Variants in CD2AP observed in about 807,000 individuals in gnomAD.
CD2AP encodes CD2-associated protein.
CD2AP carries 46 observed loss-of-function variants against 85.1 expected under a neutral mutation model. The ratio of observed to expected loss-of-function variants is 0.54; its 90% CI spans 0.43 to 0.69. The LOEUF is 0.69. Ranked by LOEUF, CD2AP falls within the 30% of genes least tolerant of loss-of-function variation. The pLI is 0.00. For missense variants in CD2AP, 769 were observed against 729.5 expected (o/e 1.05, Z -0.62); for synonymous variants, 255 against 252.9 (o/e 1.01, Z -0.08).
intron 12 of CD2AP, among the ~76,000 whole-genome samples, chr6:47,596,692 G>A (rs951576640): frequency 6.6e-6 from 1 of 151,884 alleles, no homozygotes; most frequent in Non-Finnish European, 1.5e-5. Context: ...CCATATTTTG[G>A]CTGTTGTGAA....
At chr6:47,604,540 T>C (rs1769219699) in intron 13 of CD2AP, among the ~76,000 whole-genome samples, 1 of 152,076 alleles carries the variant, frequency 6.6e-6, no homozygotes, top group Non-Finnish European at 1.5e-5. Flanking sequence ...AAATAATCTC[T>C]ACAGGCTAAA....
chr6:47,608,411 A>G (rs1348455717), intron 15 of CD2AP, among the ~76,000 whole-genome samples: 3 of 152,152 alleles, frequency 2.0e-5, no homozygotes, highest in African/African-American at 7.2e-5. Context: ...AGAATACTGT[A>G]TGTCCATGGA....
At chr6:47,505,608 G>A (rs1766126199) in intron 2 of CD2AP, among the ~76,000 whole-genome samples, 1 of 114,628 alleles carries the variant, frequency 8.7e-6, no homozygotes. Context: ...GGGGCGGCTG[G>A]CCGGGCGGGG....
chr6:47,604,184 A>G (rs761835131), intron 13 of CD2AP, among the ~76,000 whole-genome samples: 1 of 152,070 alleles, frequency 6.6e-6, no homozygotes, highest in African/African-American at 2.4e-5. Flanking sequence ...GCAAAAGCTA[A>G]ATGATTGTCG....
chr6:47,478,607 C>T (rs1296137568), intron 1 of CD2AP, among the ~76,000 whole-genome samples: 1 of 152,200 alleles, frequency 6.6e-6, no homozygotes, highest in Admixed American at 6.5e-5. Context: ...CTTCCCTCCC[C>T]CTCCTCGTGG....
At chr6:47,604,553 G>A (rs1160865946) in intron 13 of CD2AP, among the ~76,000 whole-genome samples, 1 of 151,970 alleles carries the variant, frequency 6.6e-6, no homozygotes, top group African/African-American at 2.4e-5. Context: ...AGGCTAAAAT[G>A]ATTGGATTGT....
intron 15 of CD2AP, 52 bp downstream of exon 15, chr6:47,608,080 A>T (rs762407927): frequency 8.3e-7 from 1 of 1,201,540 alleles, no homozygotes. Flanking sequence ...TTCTTTGTGG[A>T]CATCAAACAT....
intron 17 of CD2AP, among the ~76,000 whole-genome samples, chr6:47,614,982 G>A (rs961779835): frequency 6.6e-6 from 1 of 151,998 alleles, no homozygotes; most frequent in Non-Finnish European, 1.5e-5. Flanking sequence ...TAATGTTTAT[G>A]TTCATTTGCA....
intron 13 of CD2AP, among the ~76,000 whole-genome samples, chr6:47,601,749 T>C (rs1001723349): frequency 6.6e-6 from 1 of 152,018 alleles, no homozygotes; most frequent in Non-Finnish European, 1.5e-5. Flanking sequence ...TGTGTGAAAC[T>C]AGCCTTTTTA....
At chr6:47,495,663 A>G (rs1203577310) in intron 1 of CD2AP, among the ~76,000 whole-genome samples, 1 of 152,010 alleles carries the variant, frequency 6.6e-6, no homozygotes, top group African/African-American at 2.4e-5. Context: ...CTGTGTCCTC[A>G]ATTTTCTAAT....
intron 5 of CD2AP, 116 bp downstream of exon 5, chr6:47,554,882 A>G (rs936845869): frequency 8.0e-5 from 85 of 1,059,278 alleles, no homozygotes; most frequent in South Asian, 1.2e-4. Context: ...GTCAGCTTCA[A>G]TTAGTCTACT....
rs144113571 is a variant in CD2AP at position 47,615,792 on chromosome 6, AATTTATTT to A, written c.1878+3288_1878+3295del. 1.2e-3 allele frequency among the ~76,000 whole-genome samples: 144 copies of A among 117,404 alleles called. 1 individual carries two copies. Among genetic ancestry groups the A allele is most frequent in the African/African-American group, 2.8e-3 (97 of 34,416 alleles). 77.0% of individuals were successfully genotyped at this position (117,404 alleles called of 152,430 possible). A position where few individuals can be genotyped will look rare whatever the true frequency, so the allele number is the denominator to read the frequency against. ...TTTAATTTTAATTTTAATTTAATTT[AATTTATTT>A]ATTTATTTATTTATTTATTTATTTA... is the stretch of plus-strand genomic sequence containing the variant. On this transcript the variant is annotated intron_variant, in intron 17 of 17. Coordinates refer to ENST00000359314, the MANE Select transcript of CD2AP (RefSeq NM_012120.3).
At chr6:47,550,422 G>T (rs1767484526) in intron 4 of CD2AP, among the ~76,000 whole-genome samples, 1 of 152,044 alleles carries the variant, frequency 6.6e-6, no homozygotes, top group South Asian at 2.1e-4. Context: ...AAGAAGATAT[G>T]CAATGGCCAA....
At chr6:47,553,513 A>ATTTTTTTTTT (rs148273065) in intron 4 of CD2AP, among the ~76,000 whole-genome samples, 191 of 110,488 alleles carry the variant, frequency 1.7e-3, no homozygotes, top group East Asian at 4.3e-3. Flanking sequence ...CACCTAGTGA[A>ATTTTTTTTTT]TTTTTTTTTT....
At position 47,580,786 on chromosome 6, in the gene CD2AP, T is replaced by A. The variant is rs1445154140; in HGVS notation, c.1009-78T>A. 3.2e-6 allele frequency: 3 copies of A among 935,592 alleles called. No individual in the cohort carries two copies. The Admixed American group carries it at 5.3e-5, about 17-fold the overall frequency. The allele number at this position is 935,592 out of a possible 1,614,324, so 58.0% of individuals were successfully genotyped here. On this transcript the variant is annotated intron_variant, in intron 9 of 17. Coordinates refer to ENST00000359314, the MANE Select transcript of CD2AP (RefSeq NM_012120.3). ...AGGAGAGACATTTGTATAATTTAGA[T>A]TATTACTAATTAGAGTTTATTTTAA... is the stretch of plus-strand genomic sequence containing the variant.
intron 2 of CD2AP, among the ~76,000 whole-genome samples, chr6:47,513,906 G>A (rs1766385482): frequency 6.7e-6 from 1 of 149,980 alleles, no homozygotes; most frequent in Admixed American, 6.6e-5. Flanking sequence ...GGGGGGGCTA[G>A]CCTTACAGAT....
chr6:47,563,354 T>C (rs557761307), intron 5 of CD2AP, among the ~76,000 whole-genome samples: 1 of 152,334 alleles, frequency 6.6e-6, no homozygotes, highest in Non-Finnish European at 1.5e-5. Flanking sequence ...CCACTACATT[T>C]TGCTTAATAT....
At chr6:47,521,202 G>A (rs9296561) in intron 2 of CD2AP, among the ~76,000 whole-genome samples, 40,879 of 151,946 alleles carry the variant, frequency 0.27, 5,688 homozygotes, top group African/African-American at 0.33. Flanking sequence ...TTGCTCATAA[G>A]TAAGGTTTTT....
At chr6:47,570,605 C>G (rs1341521996) in intron 5 of CD2AP, among the ~76,000 whole-genome samples, 1 of 34,772 alleles carries the variant, frequency 2.9e-5, no homozygotes, top group African/African-American at 6.2e-5. Flanking sequence ...TCAGTGCTCT[C>G]TCTGTCACTT....
Sources: gnomAD v4.1 joint callset for allele counts (sites outside exome capture counted in the v4.1 genomes callset) on GRCh38, gnomAD v4.1.1 for gene constraint, MANE v1.5 for transcripts, NCBI Gene and HGNC (gene_info 2026-07-23, HGNC 2026-07-21) for gene names.